OTUD7A: variants seen among roughly 807,000 people sequenced by gnomAD.
OTUD7A encodes the protein OTU domain-containing protein 7A.
OTUD7A carries 12 observed loss-of-function variants against 65.7 expected under a neutral mutation model. That is an observed-to-expected ratio of 0.18 (90% CI 0.12 to 0.30). The LOEUF (loss-of-function observed/expected upper bound fraction) is 0.30, where lower values mean the gene tolerates loss of function less well. Among genes scored for constraint, OTUD7A ranks in the 10% least tolerant of loss-of-function variants. The pLI is 1.00. For synonymous variants in OTUD7A, 641 were observed against 586.3 expected, an observed-to-expected ratio of 1.09 and a Z score of -1.35; for missense variants, 1,148 against 1,304.8, an observed-to-expected ratio of 0.88 and a Z score of 1.85.
intron 1 of OTUD7A, among the ~76,000 whole-genome samples, chr15:31,776,871 C>G (rs1895395355): frequency 6.6e-6 from 1 of 151,962 alleles, no homozygotes; most frequent in Non-Finnish European, 1.5e-5. Flanking sequence ...AACATTAATC[C>G]CCAGCATGGC....
chr15:31,496,778 G>C (rs1454831557), intron 10 of OTUD7A, among the ~76,000 whole-genome samples: 1 of 152,174 alleles, frequency 6.6e-6, no homozygotes, highest in Non-Finnish European at 1.5e-5. Context: ...CAGATGGAAG[G>C]CTGCTTCCAT....
chr15:31,612,709 A>T (rs1367107049), intron 3 of OTUD7A, among the ~76,000 whole-genome samples: 1 of 152,288 alleles, frequency 6.6e-6, no homozygotes. Context: ...TGAGAAAATG[A>T]CCATACTGCC....
At chr15:31,579,292 A>C (rs1453384206) in intron 3 of OTUD7A, among the ~76,000 whole-genome samples, 3 of 152,214 alleles carry the variant, frequency 2.0e-5, no homozygotes, top group Non-Finnish European at 4.4e-5. Context: ...TTTTTCTTTA[A>C]GTCAGGAACT....
At chr15:31,857,237 A>G (rs1897598693) in intron 1 of OTUD7A, among the ~76,000 whole-genome samples, 1 of 152,190 alleles carries the variant, frequency 6.6e-6, no homozygotes, top group Non-Finnish European at 1.5e-5. Flanking sequence ...CTAGGAAAAT[A>G]GCCAACGAGA....
chr15:31,496,917 T>C (rs965440190), intron 10 of OTUD7A, among the ~76,000 whole-genome samples: 1 of 152,202 alleles, frequency 6.6e-6, no homozygotes, highest in Admixed American at 6.5e-5. Context: ...TTTTTTTTTT[T>C]CAAGTATCAC....
chr15:31,641,794 T>C (rs902610548), intron 3 of OTUD7A, among the ~76,000 whole-genome samples: 5 of 152,222 alleles, frequency 3.3e-5, no homozygotes, highest in Admixed American at 1.3e-4. Context: ...CTTCACTTAC[T>C]AGTTCCAAAA....
At chr15:31,808,142 A>G (rs868702386) in intron 1 of OTUD7A, among the ~76,000 whole-genome samples, 1 of 55,756 alleles carries the variant, frequency 1.8e-5, no homozygotes, top group African/African-American at 4.6e-5. Context: ...CACACAAACA[A>G]ATCCTCACCA....
Position 31,635,237 on chromosome 15 carries a change from C to T in OTUD7A, c.151+19859G>A, listed in dbSNP as rs1191565059. On this transcript the variant is annotated intron_variant, in intron 3 of 12. Coordinates refer to ENST00000307050, the MANE Select transcript of OTUD7A (RefSeq NM_001382637.1). ...TCTCCTTTGTTTTGACCCCAAGTAG[C>T]CCCCATTTCCTCTTAGGAAAACCTG... 1.1e-4 allele frequency among the ~76,000 whole-genome samples: 16 copies of T among 152,268 alleles called. 1 individual carries two copies. The highest frequency in any genetic ancestry group is 6.8e-3 in the Middle Eastern group (2 of 294).
At chr15:31,610,617 A>ATATATATTTTTTTTTTT in intron 3 of OTUD7A, among the ~76,000 whole-genome samples, 1 of 30,558 alleles carries the variant, frequency 3.3e-5, no homozygotes, top group African/African-American at 1.7e-4. Context: ...ATATATATAT[A>ATATATATTTTTTTTTTT]TTTTTTTTTT....
chr15:31,583,646 T>C (rs1475287665), intron 3 of OTUD7A, among the ~76,000 whole-genome samples: 1 of 151,884 alleles, frequency 6.6e-6, no homozygotes, highest in East Asian at 1.9e-4. Flanking sequence ...ATGTAAGACA[T>C]GACTTTTGCC....
intron 3 of OTUD7A, among the ~76,000 whole-genome samples, chr15:31,609,970 T>C (rs1056697000): frequency 6.6e-6 from 1 of 152,078 alleles, no homozygotes; most frequent in Non-Finnish European, 1.5e-5. Context: ...AGAAGAGAGA[T>C]AGCAATCACT....
rs114981060 is a variant in OTUD7A at position 31,852,778 on chromosome 15, G to C, written c.-100+17729C>G. Among the ~76,000 whole-genome samples, 502 of 152,314 alleles carry C rather than the reference G, an allele frequency of 3.3e-3. 3 individuals carry two copies. Among genetic ancestry groups the C allele is most frequent in the African/African-American group, 0.012 (486 of 41,570 alleles). ...ATAGGCAAAGCACTTGGCAATGATT[G>C]CTACTCTTATCACTTAGAAATTACA... is the stretch of plus-strand genomic sequence containing the variant. On this transcript the variant is annotated intron_variant, in intron 1 of 12. Coordinates refer to ENST00000307050, the MANE Select transcript of OTUD7A (RefSeq NM_001382637.1).
rs955139364 is a variant in OTUD7A at position 31,487,094 on chromosome 15, C to A, written c.1371+100G>T. The A allele has an allele frequency of 8.2e-7, 1 of 1,212,544 alleles. No homozygotes were observed. Among genetic ancestry groups the A allele is most frequent in the Non-Finnish European group, 1.2e-6 (1 of 854,212 alleles). The allele number at this position is 1,212,544 out of a possible 1,614,324, so 75.1% of individuals were successfully genotyped here. On this transcript the variant is annotated intron_variant, in intron 12 of 12. Coordinates refer to ENST00000307050, the MANE Select transcript of OTUD7A (RefSeq NM_001382637.1). This position sits in a 1 kb window ranked among gnomAD's most constrained non-coding sequence, Gnocchi z 6.0. Reference sequence around the variant, plus strand: ...GGGTGGGCGGCCGGGCAGGGGCAGGCAAGAGTGTGGGAGCATTTGGGAGGA... The same window carrying A: ...GGGTGGGCGGCCGGGCAGGGGCAGGAAAGAGTGTGGGAGCATTTGGGAGGA...
At position 31,655,172 on chromosome 15, in the gene OTUD7A, A is replaced by G. The variant is rs1483601350; in HGVS notation, c.75T>C (p.Leu25=). ...AGTCTGACAGGACTGCGTCCATATC[A>G]AGAGTCATAGGATCATGTAGAAGTG... ...WAALLHDPMT[L]DMDAVLSDFV... The change falls in exon 3 of 13, where the codon CTT becomes CTC. Residue 25 remains leucine (L), a synonymous_variant. Coordinates refer to ENST00000307050, the MANE Select transcript of OTUD7A (RefSeq NM_001382637.1). 6.4e-7 allele frequency: 1 copy of G among 1,552,718 alleles called. No homozygotes were observed. The highest frequency in any genetic ancestry group is 1.4e-5 in the African/African-American group (1 of 72,882).
intron 12 of OTUD7A, among the ~76,000 whole-genome samples, chr15:31,485,334 C>G (rs1021607585): frequency 1.3e-5 from 2 of 152,212 alleles, no homozygotes; most frequent in East Asian, 3.8e-4. Context: ...TCAAACACCC[C>G]CTTGATTCAG....
chr15:31,501,593 G>C, intron 10 of OTUD7A, 97 bp downstream of exon 10: 1 of 1,504,878 alleles, frequency 6.6e-7, no homozygotes, highest in Non-Finnish European at 9.1e-7. Flanking sequence ...CTAAGGGGGG[G>C]TCTCCACAAT....
intron 1 of OTUD7A, among the ~76,000 whole-genome samples, chr15:31,823,668 A>G (rs1330328757): frequency 6.6e-6 from 1 of 152,194 alleles, no homozygotes; most frequent in Non-Finnish European, 1.5e-5. Flanking sequence ...AAATATAGAC[A>G]AGGATCTTGG....
intron 1 of OTUD7A, among the ~76,000 whole-genome samples, chr15:31,829,386 A>T (rs539244581): frequency 6.6e-6 from 1 of 152,326 alleles, no homozygotes; most frequent in South Asian, 2.1e-4. Flanking sequence ...TCTGGAAGTC[A>T]CACCCTGTGA....
chr15:31,663,198 T>C (rs1414190433), intron 1 of OTUD7A, among the ~76,000 whole-genome samples: 1 of 151,160 alleles, frequency 6.6e-6, no homozygotes, highest in African/African-American at 2.4e-5. Context: ...GGAAATAACT[T>C]TGGTGTTTCC....
Sources: allele counts gnomAD v4.1 joint callset (sites outside exome capture counted in the v4.1 genomes callset), GRCh38; gene constraint gnomAD v4.1.1; non-coding constraint Gnocchi (gnomAD v3.1); transcripts MANE v1.5; gene names NCBI Gene and HGNC (gene_info 2026-07-23, HGNC 2026-07-21).